The following NEK7 variants were observed in gnomAD, a reference collection of about 807,000 sequenced individuals.
NEK7 encodes NIMA related kinase 7, also known as serine/threonine-protein kinase Nek7.
A neutral mutation model predicts 44.6 loss-of-function variants in NEK7; 18 were observed. The ratio of observed to expected loss-of-function variants is 0.40; its 90% CI spans 0.28 to 0.60. The LOEUF is 0.60. Ranked by LOEUF, NEK7 falls within the 20% of genes least tolerant of loss-of-function variation. The pLI is 0.38. For missense variants in NEK7, 256 were observed against 366.5 expected (o/e 0.70, Z 2.46); for synonymous variants, 130 against 121.1 (o/e 1.07, Z -0.48).
intron 3 of NEK7, chr1:198,256,234 T>G: frequency 7.2e-7 from 1 of 1,380,152 alleles, no homozygotes; most frequent in East Asian, 2.6e-5. Flanking sequence ...AGCTTAGTTT[T>G]TAAGGCCCTT....
intron 1 of NEK7, among the ~76,000 whole-genome samples, chr1:198,165,408 A>T (rs1329861370): frequency 1.3e-5 from 2 of 152,232 alleles, no homozygotes; most frequent in African/African-American, 4.8e-5. Flanking sequence ...TTGAAAGTGG[A>T]TTATTCCTTG....
chr1:198,299,820 A>G (rs1246291586), intron 9 of NEK7, among the ~76,000 whole-genome samples: 1 of 152,206 alleles, frequency 6.6e-6, no homozygotes, highest in Non-Finnish European at 1.5e-5. Context: ...AGATATAGTC[A>G]TTCTATCTAA....
intron 1 of NEK7, among the ~76,000 whole-genome samples, chr1:198,185,648 T>C (rs763681333): frequency 6.6e-6 from 1 of 152,086 alleles, no homozygotes; most frequent in Non-Finnish European, 1.5e-5. Flanking sequence ...TTATAATGAG[T>C]GTGAGGACCA....
chr1:198,264,189 T>C lies in NEK7; in HGVS notation c.326T>C (p.Ile109Thr). 1 of 1,607,420 alleles carries C rather than the reference T, an allele frequency of 6.2e-7. No individual in the cohort carries two copies. The highest frequency in any genetic ancestry group is 2.2e-5 in the East Asian group (1 of 44,524). Residue 109 changes from isoleucine (I) to threonine (T), a missense_variant, in exon 5 of 10, where the codon ATA becomes ACA. This residue lies in a region of NEK7 where 102 missense variants were observed against 205.2 expected (regional missense o/e 0.50). Transcript: ENST00000367385. ...ASFIEDNELNIVLELADAGDL... is the reference protein window; with the variant it reads ...ASFIEDNELNTVLELADAGDL... ...TTCATTGAAGATAATGAACTAAACA[T>C]AGTTTTGGAACTAGCAGATGCTGGC... is the stretch of plus-strand genomic sequence containing the variant.
intron 9 of NEK7, among the ~76,000 whole-genome samples, chr1:198,313,595 G>A (rs1214947986): frequency 7.3e-6 from 1 of 137,264 alleles, no homozygotes; most frequent in East Asian, 2.3e-4. Context: ...TCCTTTCCAT[G>A]TTTAGTGCTT....
intron 2 of NEK7, among the ~76,000 whole-genome samples, chr1:198,235,377 C>T (rs1425542611): frequency 6.6e-6 from 1 of 152,094 alleles, no homozygotes; most frequent in African/African-American, 2.4e-5. Flanking sequence ...TCCCACCCTC[C>T]CTTCTTTTCC....
chr1:198,282,000 A>G (rs1654214567), intron 7 of NEK7, among the ~76,000 whole-genome samples: 1 of 152,060 alleles, frequency 6.6e-6, no homozygotes, highest in Non-Finnish European at 1.5e-5. Context: ...ACTAAATCTG[A>G]TATTGCTGCA....
At chr1:198,300,580 T>C (rs958869972) in intron 9 of NEK7, among the ~76,000 whole-genome samples, 1 of 152,206 alleles carries the variant, frequency 6.6e-6, no homozygotes, top group African/African-American at 2.4e-5. Context: ...AGTTACGCCA[T>C]GTTGTAGTAG....
At chr1:198,250,014 T>G (rs1362006594) in intron 2 of NEK7, among the ~76,000 whole-genome samples, 1 of 141,420 alleles carries the variant, frequency 7.1e-6, no homozygotes, top group Non-Finnish European at 1.5e-5. Flanking sequence ...TGGTTTTAGG[T>G]CTAACGTTTA....
chr1:198,278,854 A>G, intron 6 of NEK7, 100 bp from the exon 7 acceptor site: 1 of 644,256 alleles, frequency 1.6e-6, no homozygotes, highest in South Asian at 2.0e-5. Context: ...TTTCATGATT[A>G]AAATAAATTT....
chr1:198,188,170 G>T (rs533129138), intron 1 of NEK7, among the ~76,000 whole-genome samples: 1 of 152,142 alleles, frequency 6.6e-6, no homozygotes, highest in African/African-American at 2.4e-5. Context: ...CACACTGCTC[G>T]CTCTACCTTT....
chr1:198,188,486 T>C (rs1664981538), intron 1 of NEK7, among the ~76,000 whole-genome samples: 1 of 152,070 alleles, frequency 6.6e-6, no homozygotes, highest in African/African-American at 2.4e-5. Context: ...AAGGGCTCAG[T>C]ACTTTTTGTA....
Position 198,272,599 on chromosome 1 carries a change from C to T in NEK7, c.373-5362C>T, listed in dbSNP as rs114784064. Among the ~76,000 whole-genome samples, 1,075 of 151,918 alleles carry T rather than the reference C, an allele frequency of 7.1e-3. 11 individuals are homozygous for T. The highest frequency in any genetic ancestry group is 0.02 in the African/African-American group (841 of 41,520). On this transcript the variant is annotated intron_variant, in intron 5 of 9. Coordinates refer to ENST00000367385, the MANE Select transcript of NEK7 (RefSeq NM_133494.3). ...ATCTTTGTGACCTTCTATTTCTCCTCGAAGACTGACTGACTGTTCTTTTTA... is the reference window on the plus strand; with the variant it reads ...ATCTTTGTGACCTTCTATTTCTCCTTGAAGACTGACTGACTGTTCTTTTTA...
chr1:198,171,662 G>C lies in NEK7; in HGVS notation c.-29+14386G>C, dbSNP rs529019824. On this transcript the variant is annotated intron_variant, in intron 1 of 9. Transcript: ENST00000367385. ...CAACTGCACTCCAGCCTGGGCGACAGAGCAAGACTCCGTCTGAAAAAAAAA... is the reference window on the plus strand; with the variant it reads ...CAACTGCACTCCAGCCTGGGCGACACAGCAAGACTCCGTCTGAAAAAAAAA... Among the ~76,000 whole-genome samples, 5 of 150,996 alleles carry C rather than the reference G, an allele frequency of 3.3e-5. No homozygotes were observed. The South Asian group carries it at 1.0e-3, about 32-fold the overall frequency.
At chr1:198,239,132 T>C (rs1666616650) in intron 2 of NEK7, among the ~76,000 whole-genome samples, 1 of 152,224 alleles carries the variant, frequency 6.6e-6, no homozygotes, top group African/African-American at 2.4e-5. Flanking sequence ...TCCTCTCATT[T>C]TACCATTTCT....
intron 5 of NEK7, among the ~76,000 whole-genome samples, chr1:198,276,307 C>G (rs1274082951): frequency 6.6e-6 from 1 of 151,564 alleles, no homozygotes; most frequent in Non-Finnish European, 1.5e-5. Context: ...AATTTGTTTT[C>G]ATGGTCTGAT....
At chr1:198,218,619 T>A (rs1256792996) in intron 1 of NEK7, among the ~76,000 whole-genome samples, 1 of 151,146 alleles carries the variant, frequency 6.6e-6, no homozygotes, top group East Asian at 1.9e-4. Flanking sequence ...TAAATAATCA[T>A]CAGAATAGAC....
intron 9 of NEK7, among the ~76,000 whole-genome samples, chr1:198,298,909 G>A (rs752349209): frequency 1.3e-5 from 2 of 152,204 alleles, no homozygotes; most frequent in African/African-American, 2.4e-5. Flanking sequence ...CGTTGAAGTC[G>A]GCCTGCCTGC....
intron 2 of NEK7, among the ~76,000 whole-genome samples, chr1:198,250,383 G>C (rs1269550168): frequency 2.0e-5 from 3 of 152,130 alleles, no homozygotes; most frequent in Non-Finnish European, 2.9e-5. Flanking sequence ...GGTTCCATAT[G>C]AACTTTAAAG....
Sources: gnomAD v4.1 joint callset for allele counts (sites outside exome capture counted in the v4.1 genomes callset) on GRCh38, gnomAD v4.1.1 for gene constraint, gnomAD v4.1.1 regional missense constraint, MANE v1.5 for transcripts, NCBI Gene and HGNC (gene_info 2026-07-23, HGNC 2026-07-21) for gene names.